The following RIPOR3 variants were observed in gnomAD, a reference collection of about 807,000 sequenced individuals.
RIPOR3 encodes the protein family with sequence similarity 65 member C.
A neutral mutation model predicts 114.3 loss-of-function variants in RIPOR3; 95 were observed. That is an observed-to-expected ratio of 0.83 (90% CI 0.70 to 0.99). RIPOR3 has a LOEUF of 0.99. RIPOR3 is among the 50% of genes least tolerant of loss of function. The pLI, the probability that RIPOR3 is intolerant of heterozygous loss-of-function variation, is 0.00. For missense variants in RIPOR3, 1,252 were observed against 1,266.9 expected (o/e 0.99, Z 0.18); for synonymous variants, 575 against 543.8 (o/e 1.06, Z -0.80).
intron 20 of RIPOR3, among the ~76,000 whole-genome samples, chr20:50,589,325 T>C (rs1008720828): frequency 6.7e-6 from 1 of 149,616 alleles, no homozygotes; most frequent in Non-Finnish European, 1.5e-5. Flanking sequence ...TTTTTTTTTT[T>C]AAGATGGAGT....
chr20:50,607,506 G>A (rs188316365), intron 11 of RIPOR3, among the ~76,000 whole-genome samples: 15 of 152,304 alleles, frequency 9.8e-5, no homozygotes, highest in African/African-American at 3.6e-4. Flanking sequence ...AAGGCCTAGA[G>A]CTCAGAGGCT....
chr20:50,690,026 C>T (rs112127239), intron 1 of RIPOR3, among the ~76,000 whole-genome samples: 17 of 152,304 alleles, frequency 1.1e-4, no homozygotes, highest in African/African-American at 3.4e-4. Context: ...CAGGGAGACA[C>T]GAGCTGACTT....
intron 1 of RIPOR3, among the ~76,000 whole-genome samples, chr20:50,687,425 T>A (rs1038511290): frequency 2.0e-5 from 3 of 152,244 alleles, no homozygotes; most frequent in African/African-American, 7.2e-5. Flanking sequence ...GACTGAGGAC[T>A]GTTCAGGAGA....
Position 50,594,542 on chromosome 20 carries a change from A to AG in RIPOR3, c.2212+10dup. ...CTGTGGGAGGGGACGACAGGACAGA[A>AG]GGGAACCCACCTATTTCCAGCTGTC... On this transcript the variant is annotated intron_variant, in intron 17 of 21. Transcript: ENST00000327979. 1 of 1,611,664 alleles carries AG rather than the reference A, an allele frequency of 6.2e-7. No homozygotes were observed. The highest frequency in any genetic ancestry group is 1.1e-5 in the South Asian group (1 of 90,906).
chr20:50,664,209 G>A (rs1293663219), intron 1 of RIPOR3, among the ~76,000 whole-genome samples: 1 of 152,184 alleles, frequency 6.6e-6, no homozygotes, highest in Non-Finnish European at 1.5e-5. Flanking sequence ...CTATAGGCGT[G>A]AGCCACCGCA....
intron 9 of RIPOR3, 26 bp from the exon 10 acceptor site, chr20:50,608,764 C>T (rs748600300): frequency 1.1e-5 from 18 of 1,613,202 alleles, no homozygotes; most frequent in South Asian, 4.4e-5. Context: ...AGAGGGGCCG[C>T]GTCAGCCCAG....
At chr20:50,598,828 C>T (rs956453632) in intron 13 of RIPOR3, among the ~76,000 whole-genome samples, 3 of 148,220 alleles carry the variant, frequency 2.0e-5, no homozygotes, top group South Asian at 2.3e-4. Context: ...TTGCTTGACC[C>T]GGGGAGGCGG....
intron 1 of RIPOR3, among the ~76,000 whole-genome samples, chr20:50,686,489 C>T (rs2087029448): frequency 6.6e-6 from 1 of 152,058 alleles, no homozygotes; most frequent in Non-Finnish European, 1.5e-5. Flanking sequence ...TGGTTCATGC[C>T]TGTAATTCCA....
chr20:50,616,454 T>C (rs998354480), intron 3 of RIPOR3, among the ~76,000 whole-genome samples: 1 of 152,196 alleles, frequency 6.6e-6, no homozygotes, highest in Admixed American at 6.5e-5. Context: ...ATGATTCTTA[T>C]ATCTCAGCCT....
chr20:50,628,769 T>A (rs751243113), intron 2 of RIPOR3, among the ~76,000 whole-genome samples: 3 of 152,204 alleles, frequency 2.0e-5, no homozygotes, highest in Non-Finnish European at 4.4e-5. Flanking sequence ...GAATATCTGC[T>A]GCGTGAACAG....
At chr20:50,671,933 G>T (rs541354086) in intron 1 of RIPOR3, among the ~76,000 whole-genome samples, 1 of 150,684 alleles carries the variant, frequency 6.6e-6, no homozygotes, top group East Asian at 2.0e-4. Context: ...TGGATGGATG[G>T]ATGGATAGGT....
In RIPOR3 at chr20:50,587,131, TG is replaced by T; in HGVS notation, c.*100del. The T allele has an allele frequency of 1.1e-6, 1 of 884,444 alleles. No homozygotes were observed. Among genetic ancestry groups the T allele is most frequent in the East Asian group, 2.6e-5 (1 of 38,786 alleles). The allele number at this position is 884,444 out of a possible 1,614,324, so 54.8% of individuals were successfully genotyped here. A position where few individuals can be genotyped will look rare whatever the true frequency, so the allele number is the denominator to read the frequency against. ...TAGAGCTCTGGGCAGCTCACACTCC[TG>T]GAGGAGTGCACAGCACCATTACCCA... On this transcript the variant is annotated 3_prime_UTR_variant, in exon 22 of 22. Transcript: ENST00000327979.
chr20:50,665,421 C>CTTTTTTTTTTT (rs11471486), intron 1 of RIPOR3, among the ~76,000 whole-genome samples: 14 of 107,846 alleles, frequency 1.3e-4, no homozygotes, highest in South Asian at 6.8e-4. Context: ...CCCCCTCTTC[C>CTTTTTTTTTTT]TTTTTTTTTT....
chr20:50,599,423 GATTC>G, intron 13 of RIPOR3, among the ~76,000 whole-genome samples: 1 of 151,756 alleles, frequency 6.6e-6, no homozygotes, highest in East Asian at 1.9e-4. Flanking sequence ...AGCTATTTTT[GATTC>G]ATTAACATTG....
intron 1 of RIPOR3, among the ~76,000 whole-genome samples, chr20:50,644,676 C>CTTT (rs61225138): frequency 1.1e-4 from 8 of 74,584 alleles, no homozygotes; most frequent in Non-Finnish European, 2.0e-4. Flanking sequence ...TTTTTGTTTG[C>CTTT]TTTTTTTTTT....
At chr20:50,593,612 C>G (rs1434077733) in intron 17 of RIPOR3, among the ~76,000 whole-genome samples, 1 of 152,038 alleles carries the variant, frequency 6.6e-6, no homozygotes, top group African/African-American at 2.4e-5. Flanking sequence ...GGGCAGGTGT[C>G]CCTCACTGCA....
chr20:50,597,387 T>TCTCTGAGGACCGG, intron 14 of RIPOR3, 193 bp downstream of exon 14: 2 of 752,526 alleles, frequency 2.7e-6, no homozygotes, highest in South Asian at 3.9e-5. Context: ...CACTTCGTGG[T>TCTCTGAGGACCGG]CTCTGAGGAC....
chr20:50,592,941 G>A, intron 18 of RIPOR3, 94 bp downstream of exon 18: 1 of 1,456,168 alleles, frequency 6.9e-7, no homozygotes, highest in Non-Finnish European at 9.4e-7. Context: ...GGCGGGGATG[G>A]ATGTAGTGGT....
intron 1 of RIPOR3, among the ~76,000 whole-genome samples, chr20:50,666,901 C>T (rs542665645): frequency 6.6e-6 from 1 of 152,156 alleles, no homozygotes; most frequent in Non-Finnish European, 1.5e-5. Flanking sequence ...AACATCTTAT[C>T]TGCATGATCC....
Sources: gnomAD v4.1 joint callset for allele counts (sites outside exome capture counted in the v4.1 genomes callset) on GRCh38, gnomAD v4.1.1 for gene constraint, MANE v1.5 for transcripts, NCBI Gene and HGNC (gene_info 2026-07-23, HGNC 2026-07-21) for gene names.